The following TTC28 variants were observed in gnomAD, a reference collection of about 807,000 sequenced individuals.
The protein encoded by TTC28 is tetratricopeptide repeat protein 28.
Under a neutral mutation model 198.0 loss-of-function variants are expected in TTC28, and 61 were observed. The ratio of observed to expected loss-of-function variants is 0.31; its 90% confidence interval spans 0.25 to 0.38. TTC28 has a LOEUF of 0.38. Ranked by LOEUF, TTC28 falls within the 10% of genes least tolerant of loss-of-function variation. The probability of loss-of-function intolerance (pLI) is 1.00; values close to 1 mark genes in which losing one functional copy is unlikely to be tolerated. For missense variants in TTC28, 2,678 were observed against 3,164.0 expected (o/e 0.85, Z 3.69); for synonymous variants, 1,171 against 1,297.8 (o/e 0.90, Z 2.10).
intron 2 of TTC28, among the ~76,000 whole-genome samples, chr22:28,521,689 G>A (rs571211206): frequency 2.6e-5 from 4 of 152,248 alleles, no homozygotes; most frequent in African/African-American, 9.6e-5. Flanking sequence ...GAAACTTGAG[G>A]GGCCAAGATC....
chr22:28,569,770 C>T (rs1052400092), intron 2 of TTC28, among the ~76,000 whole-genome samples: 4 of 152,080 alleles, frequency 2.6e-5, no homozygotes, highest in Non-Finnish European at 5.9e-5. Context: ...AGAGTAAACA[C>T]ACAACCTACA....
intron 5 of TTC28, among the ~76,000 whole-genome samples, chr22:28,243,875 T>A (rs1929882259): frequency 6.6e-6 from 1 of 152,128 alleles, no homozygotes; most frequent in African/African-American, 2.4e-5. Flanking sequence ...ATTCAACAAA[T>A]ATGTACTGAA....
intron 2 of TTC28, among the ~76,000 whole-genome samples, chr22:28,421,568 G>A (rs2047254037): frequency 6.6e-6 from 1 of 152,106 alleles, no homozygotes; most frequent in Non-Finnish European, 1.5e-5. Context: ...ATTTAAAGAT[G>A]AAGTTACCAT....
At chr22:28,192,065 C>A (rs918081050) in intron 5 of TTC28, among the ~76,000 whole-genome samples, 28 of 152,204 alleles carry the variant, frequency 1.8e-4, no homozygotes, top group Non-Finnish European at 4.0e-4. Context: ...ACACCTCACA[C>A]GGCCGGGTAC....
intron 2 of TTC28, among the ~76,000 whole-genome samples, chr22:28,552,917 C>G (rs983901562): frequency 9.2e-5 from 14 of 152,250 alleles, no homozygotes; most frequent in African/African-American, 3.4e-4. Flanking sequence ...CTGTCGAGTG[C>G]CTGTGATTGC....
intron 2 of TTC28, among the ~76,000 whole-genome samples, chr22:28,555,148 G>A (rs1011908756): frequency 1.3e-5 from 2 of 152,140 alleles, no homozygotes; most frequent in African/African-American, 4.8e-5. Context: ...AAACCACAAT[G>A]TAATACCACC....
intron 2 of TTC28, among the ~76,000 whole-genome samples, chr22:28,514,847 T>C (rs1237930731): frequency 1.3e-5 from 2 of 152,200 alleles, no homozygotes; most frequent in South Asian, 2.1e-4. Flanking sequence ...TCCAAAGCAA[T>C]AGGTCAGTCT....
At chr22:28,206,597 G>A (rs1285810266) in intron 5 of TTC28, among the ~76,000 whole-genome samples, 1 of 152,108 alleles carries the variant, frequency 6.6e-6, no homozygotes, top group Admixed American at 6.6e-5. Context: ...TGTAGTAGAT[G>A]AGCTCTGATT....
intron 2 of TTC28, among the ~76,000 whole-genome samples, chr22:28,455,778 A>C (rs1261168332): frequency 1.3e-5 from 2 of 151,862 alleles, no homozygotes; most frequent in Non-Finnish European, 2.9e-5. Flanking sequence ...TGAATTTGCC[A>C]TCATATCTAC....
chr22:28,123,793 G>T (rs1018404369), intron 6 of TTC28, among the ~76,000 whole-genome samples: 7 of 151,908 alleles, frequency 4.6e-5, no homozygotes, highest in South Asian at 2.1e-4. Context: ...GACCAGCCTG[G>T]GCAACATGGT....
chr22:28,045,363 T>A (rs1050003456), intron 12 of TTC28, among the ~76,000 whole-genome samples: 22 of 152,182 alleles, frequency 1.4e-4, no homozygotes, highest in Non-Finnish European at 2.9e-4. Flanking sequence ...CTGGAGCATT[T>A]TGGATTTTTG....
chr22:28,631,470 T>C (rs1041348047), intron 1 of TTC28, among the ~76,000 whole-genome samples: 1 of 152,238 alleles, frequency 6.6e-6, no homozygotes, highest in African/African-American at 2.4e-5. Context: ...ATAGCAGCAG[T>C]GCAGTGACCT....
intron 2 of TTC28, among the ~76,000 whole-genome samples, chr22:28,348,150 T>C (rs1351713826): frequency 6.6e-6 from 1 of 152,104 alleles, no homozygotes; most frequent in Non-Finnish European, 1.5e-5. Context: ...AAGATTCCCG[T>C]AGGGTAAAAT....
intron 1 of TTC28, among the ~76,000 whole-genome samples, chr22:28,631,825 C>G (rs570693763): frequency 6.6e-6 from 1 of 152,238 alleles, no homozygotes; most frequent in Non-Finnish European, 1.5e-5. Flanking sequence ...AGCACCCAGC[C>G]TGTTACTCAT....
chr22:28,419,447 A>G (rs1165702807), intron 2 of TTC28, among the ~76,000 whole-genome samples: 12 of 152,190 alleles, frequency 7.9e-5, no homozygotes, highest in Admixed American at 7.8e-4. Context: ...AAATATCTGT[A>G]TCCATTCCAG....
intron 6 of TTC28, among the ~76,000 whole-genome samples, chr22:28,132,281 C>T (rs1943077869): frequency 6.6e-6 from 1 of 152,180 alleles, no homozygotes; most frequent in Admixed American, 6.5e-5. Context: ...TTTAATAAGA[C>T]AAATCTTTTG....
chr22:28,105,857 G>T, intron 7 of TTC28, 55 bp from the exon 8 acceptor site: 1 of 1,475,980 alleles, frequency 6.8e-7, no homozygotes. Context: ...GTGCAGACAT[G>T]CTAAAGCCCC....
In TTC28 at chr22:28,437,127, G is replaced by T. The variant is rs538342957; in HGVS notation, c.382-130484C>A. On this transcript the variant is annotated intron_variant, in intron 2 of 22. Transcript: ENST00000397906. The stretch of plus-strand genomic sequence containing the variant: ...AGACAGAGTCTCGCTCTGTCACCTA[G>T]GCTGGAGTGCAGTGGCATGACCTCA... Among the ~76,000 whole-genome samples the T allele has an allele frequency of 4.6e-5, 7 of 151,952 alleles. No homozygotes were observed. In the East Asian group the frequency reaches 1.2e-3, roughly 25 times the overall value.
At chr22:28,359,305 A>C (rs563324191) in intron 2 of TTC28, among the ~76,000 whole-genome samples, 17 of 152,138 alleles carry the variant, frequency 1.1e-4, no homozygotes, top group Non-Finnish European at 2.1e-4. Flanking sequence ...GAAGAAAAAA[A>C]TGGTTTGTTT....
Sources: allele counts gnomAD v4.1 joint callset (sites outside exome capture counted in the v4.1 genomes callset), GRCh38; gene constraint gnomAD v4.1.1; transcripts MANE v1.5; gene names NCBI Gene and HGNC (gene_info 2026-07-23, HGNC 2026-07-21).